The following RAB40C variants were observed in gnomAD, a reference collection of about 807,000 sequenced individuals.
The protein encoded by RAB40C is ras-related protein Rab-40C.
RAB40C carries 8 observed loss-of-function variants against 28.1 expected under a neutral mutation model. That is an observed-to-expected ratio of 0.28 (90% confidence interval 0.17 to 0.51). RAB40C has a LOEUF of 0.51. Ranked by LOEUF, RAB40C falls within the 20% of genes least tolerant of loss-of-function variation. The pLI is 0.97. For synonymous variants in RAB40C, 201 were observed against 171.7 expected (o/e 1.17, Z -1.34); for missense variants, 288 against 405.9 (o/e 0.71, Z 2.50).
At chr16:589,958 G>C, upstream of RAB40C, 2 of 150,910 alleles carry the variant, frequency 1.3e-5, no homozygotes, top group Non-Finnish European at 3.0e-5. Context: ...GCGGCGCCGT[G>C]TGGAACGCCG....
chr16:590,679 G>C (rs995746489), intron 1 of RAB40C, among the ~76,000 whole-genome samples: 2 of 152,372 alleles, frequency 1.3e-5, no homozygotes, highest in South Asian at 2.1e-4. Context: ...ATGGACCCGG[G>C]GTCTGGGGGA....
In RAB40C at chr16:610,414, G is replaced by A. The variant is rs1567189272; in HGVS notation, c.143-6794G>A. Among the ~76,000 whole-genome samples the A allele has an allele frequency of 6.6e-6, 1 of 152,132 alleles. No individual in the cohort carries two copies. ...CACCCAGCAGATGAGGAGGAGAGCAGGGGGAAGGGTGGCAGGAGTTGCTGG... is the reference window on the plus strand; with the variant it reads ...CACCCAGCAGATGAGGAGGAGAGCAAGGGGAAGGGTGGCAGGAGTTGCTGG... On this transcript the variant is annotated intron_variant, in intron 1 of 5. Coordinates refer to ENST00000248139, the MANE Select transcript of RAB40C (RefSeq NM_021168.5). The surrounding 1 kb of genome is among the most constrained non-coding windows in gnomAD (Gnocchi z 4.6).
intron 5 of RAB40C, among the ~76,000 whole-genome samples, chr16:626,766 C>T (rs1217578360): frequency 1.3e-5 from 2 of 152,128 alleles, no homozygotes; most frequent in Non-Finnish European, 2.9e-5. Context: ...GGTGAAACCC[C>T]GTCTCTACTA....
At chr16:590,520 C>T in intron 1 of RAB40C, 87 bp downstream of exon 1, 2 of 1,365,914 alleles carry the variant, frequency 1.5e-6, no homozygotes, top group Non-Finnish European at 1.9e-6. Flanking sequence ...CCGGCCCTTC[C>T]AAGCGCCGCC....
In RAB40C at chr16:619,214, C is replaced by T. The variant is rs531131033; in HGVS notation, c.264+954C>T. 2.0e-5 allele frequency among the ~76,000 whole-genome samples: 3 copies of T among 146,678 alleles called. No homozygotes were observed. The East Asian group carries it at 6.3e-4, about 31-fold the overall frequency. On this transcript the variant is annotated intron_variant, in intron 3 of 5. Coordinates refer to ENST00000248139, the MANE Select transcript of RAB40C (RefSeq NM_021168.5). ...GTGCACTCAGGGCCATGTGTGTGTG[C>T]AGGCATGTGCACAGGTCTGGCGGGG...
intron 1 of RAB40C, among the ~76,000 whole-genome samples, chr16:601,227 T>C (rs1278466671): frequency 1.3e-5 from 2 of 152,226 alleles, no homozygotes; most frequent in Non-Finnish European, 1.5e-5. Flanking sequence ...TTTTGTGTGT[T>C]ATCCACACCA....
chr16:595,999 C>G (rs1248006923), intron 1 of RAB40C, among the ~76,000 whole-genome samples: 1 of 152,236 alleles, frequency 6.6e-6, no homozygotes, highest in Non-Finnish European at 1.5e-5. Context: ...TTAAGTTTGT[C>G]CAGAGGCCAG....
At chr16:597,937 CAAAAAAAA>C (rs57539332) in intron 1 of RAB40C, among the ~76,000 whole-genome samples, 4 of 28,464 alleles carry the variant, frequency 1.4e-4, no homozygotes, top group African/African-American at 3.8e-4. Context: ...CCCATCTCTA[CAAAAAAAA>C]AAAAAAAAAA....
intron 2 of RAB40C, among the ~76,000 whole-genome samples, chr16:617,837 C>G (rs563351755): frequency 6.6e-6 from 1 of 151,320 alleles, no homozygotes; most frequent in African/African-American, 2.4e-5. Flanking sequence ...AATGAGACTC[C>G]GTCTCAAAAA....
intron 1 of RAB40C, among the ~76,000 whole-genome samples, chr16:594,532 A>G (rs2036070312): frequency 6.6e-6 from 1 of 152,144 alleles, no homozygotes; most frequent in Non-Finnish European, 1.5e-5. Flanking sequence ...AAACAGTTAC[A>G]AACGTTTCTT....
intron 1 of RAB40C, among the ~76,000 whole-genome samples, chr16:591,588 T>G (rs567918952): frequency 6.6e-6 from 1 of 152,106 alleles, no homozygotes; most frequent in African/African-American, 2.4e-5. Flanking sequence ...TTTTCTTTTC[T>G]TTTCTTTCTT....
At chr16:590,887 T>C (rs553496379) in intron 1 of RAB40C, among the ~76,000 whole-genome samples, 23 of 134,864 alleles carry the variant, frequency 1.7e-4, no homozygotes, top group African/African-American at 6.3e-4. Flanking sequence ...GTGTCATGGG[T>C]GCAGGATCTG....
Position 621,453 on chromosome 16 carries a change from G to T in RAB40C, c.264+3193G>T, listed in dbSNP as rs575872436. Among the ~76,000 whole-genome samples the T allele has an allele frequency of 1.2e-3, 178 of 152,346 alleles. 2 individuals carry two copies. The highest frequency in any genetic ancestry group is 3.7e-3 in the African/African-American group (155 of 41,584). ...GGCCTGGAAGGTCCCCGCGGCCTGGGTCTTGCAGATGGCACCAGCAAAGGC... is the reference window on the plus strand; with the variant it reads ...GGCCTGGAAGGTCCCCGCGGCCTGGTTCTTGCAGATGGCACCAGCAAAGGC... On this transcript the variant is annotated intron_variant, in intron 3 of 5. Transcript: ENST00000248139.
chr16:621,084 C>T (rs1489154059), intron 3 of RAB40C, among the ~76,000 whole-genome samples: 1 of 152,248 alleles, frequency 6.6e-6, no homozygotes, highest in African/African-American at 2.4e-5. Flanking sequence ...AAATTCTGAG[C>T]TGTCATTTTC....
chr16:616,321 G>C (rs557162405), intron 1 of RAB40C, among the ~76,000 whole-genome samples: 1 of 119,454 alleles, frequency 8.4e-6, no homozygotes, highest in African/African-American at 3.5e-5. Context: ...TCCAGAGTCC[G>C]GAGAAGCAGC....
intron 1 of RAB40C, among the ~76,000 whole-genome samples, chr16:613,461 G>A (rs1438315013): frequency 2.0e-5 from 3 of 152,252 alleles, no homozygotes; most frequent in Admixed American, 6.5e-5. Context: ...GCAGCAGCAC[G>A]CAGCACACTC....
At position 590,274 on chromosome 16, in the gene RAB40C, G is replaced by C. The variant is rs551732793; in HGVS notation, c.-18G>C. On this transcript the variant is annotated 5_prime_UTR_variant, in exon 1 of 6. Transcript: ENST00000248139. The stretch of plus-strand genomic sequence containing the variant: ...GTGCTTCGGCAGGCGGCCGGCGCGG[G>C]GCGCAGGCGGCGCGGCCATGGGCTC... 5.2e-5 allele frequency: 77 copies of C among 1,484,972 alleles called. 1 individual carries two copies. The Admixed American group carries it at 9.2e-4, about 18-fold the overall frequency. 92.0% of individuals were successfully genotyped at this position (1,484,972 alleles called of 1,614,324 possible).
At chr16:625,367 G>A (rs972366372) in intron 3 of RAB40C, 65 bp from the exon 4 acceptor site, 33 of 1,579,374 alleles carry the variant, frequency 2.1e-5, no homozygotes, top group Admixed American at 1.9e-4. Flanking sequence ...GCACCTGAGC[G>A]TCCCTGGGCC....
At chr16:601,099 C>T (rs980401749) in intron 1 of RAB40C, among the ~76,000 whole-genome samples, 1 of 152,212 alleles carries the variant, frequency 6.6e-6, no homozygotes, top group Non-Finnish European at 1.5e-5. Flanking sequence ...TAGTTTTCCT[C>T]ACCGTTCAGT....
Sources: gnomAD v4.1 joint callset for allele counts (sites outside exome capture counted in the v4.1 genomes callset) on GRCh38, gnomAD v4.1.1 for gene constraint, Gnocchi (gnomAD v3.1) non-coding constraint, MANE v1.5 for transcripts, NCBI Gene and HGNC (gene_info 2026-07-23, HGNC 2026-07-21) for gene names.